SYT12: variants seen among roughly 807,000 people sequenced by gnomAD.
The protein encoded by SYT12 is synaptotagmin 12, also known as synaptotagmin-12.
In SYT12, 27 loss-of-function variants were observed where a neutral mutation model predicts 39.5. That is an observed-to-expected ratio of 0.68 (90% CI 0.50 to 0.94). The LOEUF is 0.94. Among genes scored for constraint, SYT12 ranks in the 40% least tolerant of loss-of-function variants. The pLI, the probability that SYT12 is intolerant of heterozygous loss-of-function variation, is 0.00. For synonymous variants in SYT12, 233 were observed against 239.7 expected, an observed-to-expected ratio of 0.97 and a Z score of 0.26; for missense variants, 536 against 572.6, an observed-to-expected ratio of 0.94 and a Z score of 0.65.
chr11:67,012,059 G>A (rs1421854946), intron 3 of SYT12, among the ~76,000 whole-genome samples: 2 of 149,582 alleles, frequency 1.3e-5, no homozygotes, highest in Non-Finnish European at 3.0e-5. Context: ...CACTGCGCCC[G>A]GGCCAGGTCT....
At chr11:67,012,843 A>T (rs1950022842) in intron 3 of SYT12, among the ~76,000 whole-genome samples, 1 of 152,196 alleles carries the variant, frequency 6.6e-6, no homozygotes, top group Admixed American at 6.5e-5. Context: ...TCTTAACCAC[A>T]CGTGCTGTGT....
At chr11:67,017,210 G>C (rs937552968) in intron 3 of SYT12, among the ~76,000 whole-genome samples, 6 of 152,098 alleles carry the variant, frequency 3.9e-5, no homozygotes, top group Non-Finnish European at 7.4e-5. Context: ...ATAGCATTAG[G>C]CTGAGCCTCT....
chr11:67,035,796 TCCTTCCTTCCTTCC>T (rs1299675690), intron 3 of SYT12, among the ~76,000 whole-genome samples: 23 of 47,540 alleles, frequency 4.8e-4, no homozygotes, highest in African/African-American at 1.6e-3. Flanking sequence ...TTTCTTTCCT[TCCTTCCTTCCTTCC>T]TTCCTTCCTT....
chr11:67,013,792 A>G (rs896436), intron 3 of SYT12, among the ~76,000 whole-genome samples: 51,077 of 152,170 alleles, frequency 0.34, 8,809 homozygotes, highest in African/African-American at 0.39. Context: ...TGGGGCTGCC[A>G]TGACACATTA....
intron 3 of SYT12, among the ~76,000 whole-genome samples, chr11:67,012,966 T>G (rs1420157892): frequency 6.6e-6 from 1 of 152,278 alleles, no homozygotes; most frequent in East Asian, 1.9e-4. Flanking sequence ...GGGGTCATCC[T>G]TTCCTTTGGG....
chr11:67,020,917 C>T (rs1399029392), upstream of SYT12, among the ~76,000 whole-genome samples: 1 of 152,138 alleles, frequency 6.6e-6, no homozygotes, highest in Admixed American at 6.5e-5. Flanking sequence ...TTAGTAGAGA[C>T]GGCATTTCAC....
At chr11:67,037,955 T>A (rs1042231536) in intron 3 of SYT12, among the ~76,000 whole-genome samples, 1 of 118,462 alleles carries the variant, frequency 8.4e-6, no homozygotes, top group Non-Finnish European at 1.8e-5. Context: ...CTTGGGAGAG[T>A]GAGGGGGGAG....
chr11:67,008,118 T>C (rs1037717561), intron 1 of SYT12, among the ~76,000 whole-genome samples: 5 of 151,764 alleles, frequency 3.3e-5, no homozygotes, highest in African/African-American at 1.2e-4. Context: ...CACGCCCAGC[T>C]AATTTTTGTA....
chr11:67,039,164 G>A (rs573065048), intron 3 of SYT12, among the ~76,000 whole-genome samples: 154 of 150,076 alleles, frequency 1.0e-3, no homozygotes, highest in African/African-American at 3.4e-3. Context: ...TTAGCCGGGC[G>A]TGGTGGTGTG....
upstream of SYT12, among the ~76,000 whole-genome samples, chr11:67,021,541 A>G (rs1325843420): frequency 2.6e-5 from 4 of 152,002 alleles, no homozygotes; most frequent in Non-Finnish European, 5.9e-5. Context: ...TCAGCCTCCT[A>G]AAGTGCTGGG....
At chr11:67,014,927 T>TA (rs779869531) in intron 3 of SYT12, among the ~76,000 whole-genome samples, 1,850 of 144,038 alleles carry the variant, frequency 0.013, 38 homozygotes, top group African/African-American at 0.043. Context: ...TGGAATGAAG[T>TA]AAAAAAAAAA....
intron 2 of SYT12, chr11:67,032,295 A>G (rs1166745249): frequency 1.3e-5 from 2 of 152,160 alleles, no homozygotes; most frequent in Non-Finnish European, 2.9e-5. Flanking sequence ...ACCAGCCCTC[A>G]CTGGCCCCCT....
chr11:67,044,589 C>T lies in SYT12; in HGVS notation c.838-4C>T. ...GCCCTCTGAGCCACCTGTCTGTCCC[C>T]CAGGCCGCCGATGCTGTGGGGGAGA... is the stretch of plus-strand genomic sequence containing the variant. On this transcript the variant is annotated splice_region_variant and splice_polypyrimidine_tract_variant and intron_variant, in intron 5 of 7. Transcript: ENST00000527043. 1 of 1,612,078 alleles carries T rather than the reference C, an allele frequency of 6.2e-7. No homozygotes were observed. Among genetic ancestry groups the T allele is most frequent in the African/African-American group, 1.3e-5 (1 of 75,036 alleles).
intron 3 of SYT12, among the ~76,000 whole-genome samples, chr11:67,036,413 T>C (rs1486592364): frequency 6.6e-6 from 1 of 152,236 alleles, no homozygotes; most frequent in Non-Finnish European, 1.5e-5. Context: ...TTTGGATGGA[T>C]GTCCAGATGT....
At chr11:67,035,849 T>TCC (rs1950365904) in intron 3 of SYT12, among the ~76,000 whole-genome samples, 1 of 54,094 alleles carries the variant, frequency 1.8e-5, no homozygotes, top group Non-Finnish European at 3.5e-5. Context: ...TTTCTTTCTT[T>TCC]CTTTCTTTCT....
intron 5 of SYT12, 84 bp downstream of exon 5, chr11:67,043,937 C>T: frequency 8.0e-7 from 1 of 1,254,046 alleles, no homozygotes; most frequent in Non-Finnish European, 1.1e-6. Flanking sequence ...TCCTCATCAT[C>T]CTCTGCAATA....
At chr11:67,034,538 G>T in intron 2 of SYT12, 107 bp from the exon 3 acceptor site, 1 of 961,390 alleles carries the variant, frequency 1.0e-6, no homozygotes, top group Non-Finnish European at 1.5e-6. Context: ...CTAGCACATA[G>T]TAGGCATTCA....
rs1407817918 is a variant in SYT12, at chr11:67,044,605, G to A, written c.850G>A (p.Val284Met). The A allele has an allele frequency of 1.2e-6, 2 of 1,613,074 alleles. No individual in the cohort carries two copies. The highest frequency in any genetic ancestry group is 1.7e-6 in the Non-Finnish European group (2 of 1,179,854). ...GTCTGTCCCCCAGGCCGCCGATGCTGTGGGGGAGATCCTGCTCTCCCTCAG... is the reference window on the plus strand; with the variant it reads ...GTCTGTCCCCCAGGCCGCCGATGCTATGGGGGAGATCCTGCTCTCCCTCAG... ...LQDQNKAADA[V>M]GEILLSLSYL... The change falls in exon 6 of 8, where the codon GTG becomes ATG. Residue 284 changes from valine to methionine, a missense_variant. Transcript: ENST00000527043.
chr11:67,034,862 G>A, intron 3 of SYT12, 24 bp downstream of exon 3: 3 of 1,499,738 alleles, frequency 2.0e-6, no homozygotes. Flanking sequence ...TCCTGCAGGT[G>A]CACAGCGAGT....
Sources: allele counts gnomAD v4.1 joint callset (sites outside exome capture counted in the v4.1 genomes callset), GRCh38; gene constraint gnomAD v4.1.1; transcripts MANE v1.5; gene names NCBI Gene and HGNC (gene_info 2026-07-23, HGNC 2026-07-21).